SAMD3: variants seen among roughly 807,000 people sequenced by gnomAD.
The protein encoded by SAMD3 is sterile alpha motif domain containing 3, also known as sterile alpha motif domain-containing protein 3.
A neutral mutation model predicts 58.5 loss-of-function variants in SAMD3; 63 were observed. The observed-to-expected ratio is 1.08, with a 90% CI of 0.88 to 1.33. The LOEUF (loss-of-function observed/expected upper bound fraction) is 1.33, where lower values mean the gene tolerates loss of function less well. Among genes scored for constraint, SAMD3 ranks in the 40% most tolerant of loss-of-function variants. The probability of loss-of-function intolerance (pLI) is 0.00; values close to 1 mark genes in which losing one functional copy is unlikely to be tolerated. For missense variants in SAMD3, 604 were observed against 608.4 expected (o/e 0.99, Z 0.08); for synonymous variants, 220 against 210.3 (o/e 1.05, Z -0.40).
At chr6:130,336,967 C>CG (rs1777119328) in intron 1 of SAMD3, among the ~76,000 whole-genome samples, 1 of 152,154 alleles carries the variant, frequency 6.6e-6, no homozygotes, top group Admixed American at 6.5e-5. Flanking sequence ...AGATGCTTAA[C>CG]GCCACCAGCA....
chr6:130,347,774 G>A (rs1777501952), intron 1 of SAMD3, among the ~76,000 whole-genome samples: 1 of 152,102 alleles, frequency 6.6e-6, no homozygotes, highest in African/African-American at 2.4e-5. Flanking sequence ...ACACATAATT[G>A]TCAGATTCAC....
chr6:130,284,063 G>A (rs1241346071), intron 2 of SAMD3, among the ~76,000 whole-genome samples: 1 of 152,190 alleles, frequency 6.6e-6, no homozygotes, highest in African/African-American at 2.4e-5. Context: ...ATGTTGGCCA[G>A]GCTGGTCTTG....
intron 2 of SAMD3, among the ~76,000 whole-genome samples, chr6:130,235,951 C>G (rs534489587): frequency 6.6e-6 from 1 of 152,276 alleles, no homozygotes; most frequent in Non-Finnish European, 1.5e-5. Context: ...TGTAGAAAAA[C>G]AATTTAATAG....
intron 5 of SAMD3, among the ~76,000 whole-genome samples, chr6:130,185,283 T>C (rs1792828841): frequency 6.6e-6 from 1 of 152,218 alleles, no homozygotes; most frequent in African/African-American, 2.4e-5. Context: ...TACAAGCATA[T>C]AAAGCTGCTA....
intron 5 of SAMD3, among the ~76,000 whole-genome samples, chr6:130,190,175 A>T (rs12195300): frequency 0.21 from 32,257 of 152,210 alleles, 4,215 homozygotes; most frequent in East Asian, 0.44. Flanking sequence ...AACTGACACC[A>T]GGAGACTGAG....
chr6:130,318,311 G>A lies in SAMD3; in HGVS notation c.-303-5218C>T, dbSNP rs149167317. On this transcript the variant is annotated intron_variant, in intron 1 of 13. Coordinates refer to the SAMD3 transcript ENST00000368134. ...AAAACAAGACTCAAAATGATCATATGCTTTCCAATGAACTATCTCCCATAA... is the reference window on the plus strand; with the variant it reads ...AAAACAAGACTCAAAATGATCATATACTTTCCAATGAACTATCTCCCATAA... 7.9e-5 allele frequency among the ~76,000 whole-genome samples: 12 copies of A among 152,170 alleles called. No individual in the cohort carries two copies. In the South Asian group the frequency reaches 2.3e-3, roughly 29 times the overall value.
chr6:130,256,998 TC>T (rs1192015641), intron 2 of SAMD3, among the ~76,000 whole-genome samples: 3 of 152,166 alleles, frequency 2.0e-5, no homozygotes. Flanking sequence ...CTGAATTGTG[TC>T]CCCAACTCCA....
At chr6:130,166,159 G>A (rs1462499446) in intron 8 of SAMD3, among the ~76,000 whole-genome samples, 2 of 152,134 alleles carry the variant, frequency 1.3e-5, no homozygotes, top group Non-Finnish European at 2.9e-5. Flanking sequence ...ATGTCATTCT[G>A]TGAGAGGGCA....
chr6:130,186,717 A>G (rs1017048039), intron 5 of SAMD3, among the ~76,000 whole-genome samples: 6 of 151,172 alleles, frequency 4.0e-5, no homozygotes, highest in Non-Finnish European at 7.4e-5. Flanking sequence ...GAGACCTAGA[A>G]GTATAAAGTA....
At chr6:130,190,161 T>C (rs1321479795) in intron 5 of SAMD3, among the ~76,000 whole-genome samples, 1 of 152,192 alleles carries the variant, frequency 6.6e-6, no homozygotes, top group Non-Finnish European at 1.5e-5. Flanking sequence ...ACTCAACAGA[T>C]TTTAACTGAC....
At chr6:130,274,399 G>A (rs549021809) in intron 2 of SAMD3, among the ~76,000 whole-genome samples, 1 of 152,280 alleles carries the variant, frequency 6.6e-6, no homozygotes, top group South Asian at 2.1e-4. Flanking sequence ...GGACTGTCTG[G>A]AAAATCCCAG....
chr6:130,182,806 T>C (rs1031045563), intron 7 of SAMD3, among the ~76,000 whole-genome samples: 2 of 152,188 alleles, frequency 1.3e-5, no homozygotes, highest in East Asian at 1.9e-4. Flanking sequence ...CAGCAAAAAA[T>C]ATCTTTTCAC....
intron 2 of SAMD3, among the ~76,000 whole-genome samples, chr6:130,264,577 C>T (rs562830082): frequency 2.6e-4 from 39 of 152,214 alleles, no homozygotes; most frequent in East Asian, 2.3e-3. Context: ...CATCATAAAG[C>T]GGGAGAAGCC....
At chr6:130,346,617 G>T (rs940725832) in intron 1 of SAMD3, among the ~76,000 whole-genome samples, 1 of 152,218 alleles carries the variant, frequency 6.6e-6, no homozygotes, top group Non-Finnish European at 1.5e-5. Flanking sequence ...ACAGCCCAAG[G>T]AGGCCTGCCT....
chr6:130,227,652 G>T (rs1342153333), upstream of SAMD3, among the ~76,000 whole-genome samples: 5 of 152,070 alleles, frequency 3.3e-5, no homozygotes, highest in Non-Finnish European at 2.9e-5. Context: ...GCCGGGCATG[G>T]TGGCATGTGC....
At chr6:130,286,525 G>A (rs572767231) in intron 2 of SAMD3, among the ~76,000 whole-genome samples, 1 of 152,156 alleles carries the variant, frequency 6.6e-6, no homozygotes. Context: ...TCTAGTTTTT[G>A]CTTCAAATTT....
chr6:130,362,178 C>A (rs1442456393), intron 1 of SAMD3, among the ~76,000 whole-genome samples: 1 of 152,150 alleles, frequency 6.6e-6, no homozygotes. Context: ...ATGAACAGTG[C>A]CCTAGTGCAG....
intron 1 of SAMD3, among the ~76,000 whole-genome samples, chr6:130,340,741 G>C (rs529017032): frequency 1.3e-5 from 2 of 152,258 alleles, no homozygotes; most frequent in South Asian, 4.2e-4. Flanking sequence ...GATCCAATTG[G>C]ATATTCTGAT....
intron 2 of SAMD3, among the ~76,000 whole-genome samples, chr6:130,287,250 C>A (rs1775190951): frequency 6.6e-6 from 1 of 152,156 alleles, no homozygotes; most frequent in African/African-American, 2.4e-5. Context: ...TGCCTTGTTG[C>A]TTATAACAAT....
Sources: gnomAD v4.1 joint callset for allele counts (sites outside exome capture counted in the v4.1 genomes callset) on GRCh38, gnomAD v4.1.1 for gene constraint, MANE v1.5 for transcripts, NCBI Gene and HGNC (gene_info 2026-07-23, HGNC 2026-07-21) for gene names.